The following RBFOX1 variants were observed in gnomAD, a reference collection of about 807,000 sequenced individuals.
The protein encoded by RBFOX1 is RNA binding fox-1 homolog 1.
RBFOX1 carries 8 observed loss-of-function variants against 57.7 expected under a neutral mutation model. That is an observed-to-expected ratio of 0.14 (90% CI 0.08 to 0.25). The LOEUF (loss-of-function observed/expected upper bound fraction) is 0.25, where lower values mean the gene tolerates loss of function less well. Among genes scored for constraint, RBFOX1 ranks in the 10% least tolerant of loss-of-function variants. RBFOX1 has a pLI of 1.00. For synonymous variants in RBFOX1, 326 were observed against 222.4 expected (o/e 1.47, Z -4.15); for missense variants, 611 against 548.5 (o/e 1.11, Z -1.14).
intron 3 of RBFOX1, among the ~76,000 whole-genome samples, chr16:5,819,160 C>T (rs933043334): frequency 6.6e-6 from 1 of 152,172 alleles, no homozygotes; most frequent in Non-Finnish European, 1.5e-5. Flanking sequence ...GTTCTGGAGG[C>T]TGGGAAGTGC....
At chr16:7,499,937 G>C (rs866806952) in intron 4 of RBFOX1, among the ~76,000 whole-genome samples, 3 of 151,228 alleles carry the variant, frequency 2.0e-5, no homozygotes, top group Non-Finnish European at 2.9e-5. Context: ...TCTTCCCTCT[G>C]ATTTACCAAT....
chr16:6,858,637 T>C (rs1603633155), intron 3 of RBFOX1, among the ~76,000 whole-genome samples: 1 of 152,204 alleles, frequency 6.6e-6, no homozygotes, highest in Admixed American at 6.5e-5. Context: ...ATTTAGTTTA[T>C]ATGAGACATA....
At chr16:6,762,814 A>T (rs990094814) in intron 3 of RBFOX1, among the ~76,000 whole-genome samples, 2 of 152,190 alleles carry the variant, frequency 1.3e-5, no homozygotes, top group African/African-American at 4.8e-5. Flanking sequence ...ATTGCAAAAT[A>T]AAAACCAGGT....
chr16:6,957,855 A>G (rs1252131420), intron 3 of RBFOX1, among the ~76,000 whole-genome samples: 1 of 152,134 alleles, frequency 6.6e-6, no homozygotes, highest in Non-Finnish European at 1.5e-5. Flanking sequence ...ACTTCCTCCT[A>G]GCGTGACAGT....
At chr16:6,331,541 C>A (rs990849389) in intron 2 of RBFOX1, among the ~76,000 whole-genome samples, 3 of 150,376 alleles carry the variant, frequency 2.0e-5, no homozygotes, top group South Asian at 2.1e-4. Context: ...CTCTCTCTCT[C>A]TCTCTATATA....
chr16:5,455,335 T>A (rs1259508503), intron 1 of RBFOX1, among the ~76,000 whole-genome samples: 3 of 151,974 alleles, frequency 2.0e-5, no homozygotes, highest in Non-Finnish European at 2.9e-5. Flanking sequence ...CCAAGACAGA[T>A]ATATGGCTTT....
At chr16:6,499,392 G>GA (rs2095856077) in intron 2 of RBFOX1, among the ~76,000 whole-genome samples, 1 of 152,010 alleles carries the variant, frequency 6.6e-6, no homozygotes, top group Non-Finnish European at 1.5e-5. Context: ...AAAAAGGTAT[G>GA]AAAAATCTTA....
At chr16:5,918,124 A>T (rs760580095) in intron 4 of RBFOX1, among the ~76,000 whole-genome samples, 3 of 151,914 alleles carry the variant, frequency 2.0e-5, no homozygotes, top group Admixed American at 2.0e-4. Context: ...GTTTATTTTT[A>T]TTGTTATTAT....
At chr16:7,236,493 G>A (rs2093774125) in intron 4 of RBFOX1, among the ~76,000 whole-genome samples, 1 of 152,024 alleles carries the variant, frequency 6.6e-6, no homozygotes, top group South Asian at 2.1e-4. Context: ...GTTCCTAAAT[G>A]CATCCATCCC....
intron 5 of RBFOX1, among the ~76,000 whole-genome samples, chr16:7,575,322 A>T (rs2093222866): frequency 6.6e-6 from 1 of 151,998 alleles, no homozygotes; most frequent in Non-Finnish European, 1.5e-5. Context: ...TTTAGTAGAG[A>T]CGGGGTTTCA....
At chr16:6,740,172 G>A (rs1043879954) in intron 3 of RBFOX1, among the ~76,000 whole-genome samples, 4 of 152,118 alleles carry the variant, frequency 2.6e-5, no homozygotes, top group African/African-American at 9.7e-5. Flanking sequence ...AAAATCACAT[G>A]CTCACATTAG....
At chr16:7,029,727 A>G (rs2153689978) in intron 3 of RBFOX1, among the ~76,000 whole-genome samples, 1 of 152,326 alleles carries the variant, frequency 6.6e-6, no homozygotes. Context: ...GTAGCATCTC[A>G]TGGTGTAACC....
chr16:5,324,144 G>A (rs1334716914), intron 1 of RBFOX1, among the ~76,000 whole-genome samples: 1 of 152,168 alleles, frequency 6.6e-6, no homozygotes. Context: ...TCAGCAGCAC[G>A]GGCATCACCT....
intron 4 of RBFOX1, among the ~76,000 whole-genome samples, chr16:7,415,582 C>G (rs990953420): frequency 2.0e-5 from 3 of 152,118 alleles, no homozygotes; most frequent in Non-Finnish European, 4.4e-5. Context: ...TGGGGTGACA[C>G]ACAAAATTTA....
intron 3 of RBFOX1, among the ~76,000 whole-genome samples, chr16:5,853,463 C>T (rs1183067432): frequency 6.6e-6 from 1 of 152,190 alleles, no homozygotes; most frequent in African/African-American, 2.4e-5. Flanking sequence ...CAGCCTGAGT[C>T]GGACACAGGC....
At position 7,096,570 on chromosome 16, in the gene RBFOX1, G is replaced by A. The variant is rs192264058; in HGVS notation, c.27+44472G>A. Among the ~76,000 whole-genome samples the A allele has an allele frequency of 5.9e-5, 9 of 152,150 alleles. No individual in the cohort carries two copies. The East Asian group carries it at 1.7e-3, about 29-fold the overall frequency. On this transcript the variant is annotated intron_variant, in intron 4 of 15. Coordinates refer to ENST00000550418, the MANE Select transcript of RBFOX1 (RefSeq NM_018723.4). ...CTTACCTACCCCTGAACCCATCCCTGATACTCAACATCCAACCCTGTGTAA... is the reference window on the plus strand; with the variant it reads ...CTTACCTACCCCTGAACCCATCCCTAATACTCAACATCCAACCCTGTGTAA...
Position 5,634,179 on chromosome 16 carries a change from A to G in RBFOX1, c.318+35218A>G, listed in dbSNP as rs539867461. Among the ~76,000 whole-genome samples, 4 of 152,338 alleles carry G rather than the reference A, an allele frequency of 2.6e-5. No homozygotes were observed. The South Asian group carries it at 8.3e-4, about 32-fold the overall frequency. ...TCAGACTTGTGTACATCAGTTGGCAAATTAACATTTTGGGTATTGCAAATT... is the reference window on the plus strand; with the variant it reads ...TCAGACTTGTGTACATCAGTTGGCAGATTAACATTTTGGGTATTGCAAATT... On this transcript the variant is annotated intron_variant, in intron 3 of 19. Transcript: ENST00000641259.
At chr16:7,047,024 T>C (rs8050044) in intron 3 of RBFOX1, among the ~76,000 whole-genome samples, 2,478 of 150,348 alleles carry the variant, frequency 0.016, 72 homozygotes, top group African/African-American at 0.057. Flanking sequence ...CTCAAGAGTA[T>C]AGAAAGCTCT....
chr16:5,546,301 G>C (rs538983517), intron 2 of RBFOX1, among the ~76,000 whole-genome samples: 1 of 152,038 alleles, frequency 6.6e-6, no homozygotes, highest in African/African-American at 2.4e-5. Flanking sequence ...GCTTTTTTGC[G>C]GGGTGGAAAT....
Sources: gnomAD v4.1 joint callset for allele counts (sites outside exome capture counted in the v4.1 genomes callset) on GRCh38, gnomAD v4.1.1 for gene constraint, MANE v1.5 for transcripts, NCBI Gene and HGNC (gene_info 2026-07-23, HGNC 2026-07-21) for gene names.